The following ZAN variants were observed in gnomAD, a reference collection of about 807,000 sequenced individuals.
ZAN encodes the protein zonadhesin, also known as zonadhesin (gene/pseudogene).
ZAN carries 260 observed loss-of-function variants against 286.2 expected under a neutral mutation model. The ratio of observed to expected loss-of-function variants is 0.91; its 90% CI spans 0.82 to 1.01. The LOEUF (loss-of-function observed/expected upper bound fraction) is 1.01. Among genes scored for constraint, ZAN ranks in the 50% least tolerant of loss-of-function variants. The pLI is 0.00. For missense variants in ZAN, 3,410 were observed against 3,639.2 expected, an observed-to-expected ratio of 0.94 and a Z score of 1.62; for synonymous variants, 1,368 against 1,417.5, an observed-to-expected ratio of 0.97 and a Z score of 0.79.
At chr7:100,768,768 A>G (rs1448925772) in intron 27 of ZAN, 47 bp downstream of exon 27, 1 of 1,510,836 alleles carries the variant, frequency 6.6e-7, no homozygotes, top group Non-Finnish European at 8.9e-7. Flanking sequence ...TGGGCCTGGG[A>G]AGGGCCTCGG....
chr7:100,767,140 T>A lies in ZAN; in HGVS notation c.4743T>A (p.Phe1581Leu). The change falls in exon 25 of 48, where the codon TTT becomes TTA. Residue 1581 changes from phenylalanine (F) to leucine (L), a missense_variant. Transcript: ENST00000613979. ...GGTCCAGGTCCCAAGACAGCTATTT[T>A]GTTGTGAGCGCCACCAACGAGAACC... The part of the protein sequence containing the change: ...PCWSRSQDSY[F>L]VVSATNENRG... 1 of 1,613,824 alleles carries A rather than the reference T, an allele frequency of 6.2e-7. No individual in the cohort carries two copies. Among genetic ancestry groups the A allele is most frequent in the Middle Eastern group, 1.6e-4 (1 of 6,062 alleles).
rs1438561193 is a variant in ZAN at position 100,738,997 on chromosome 7, CCTTCTCCTTCTT to C, written c.766+388_766+399del. 1.9e-4 allele frequency among the ~76,000 whole-genome samples: 11 copies of C among 56,618 alleles called. 1 individual carries two copies. Among genetic ancestry groups the C allele is most frequent in the Non-Finnish European group, 1.2e-4 (3 of 24,546 alleles). 37.1% of individuals were successfully genotyped at this position (56,618 alleles called of 152,430 possible). On this transcript the variant is annotated intron_variant, in intron 7 of 47. Coordinates refer to ENST00000613979, the MANE Select transcript of ZAN (RefSeq NM_003386.3). ...TCCCTCTCCCTCTCCCTCTCCTTCT[CCTTCTCCTTCTT>C]CTTTTTCTTTTTTTTTTTTTGAAGC...
At chr7:100,793,663 C>T (rs1039749084) in intron 42 of ZAN, among the ~76,000 whole-genome samples, 157 bp from the exon 43 acceptor site, 5 of 152,118 alleles carry the variant, frequency 3.3e-5, no homozygotes, top group Non-Finnish European at 5.9e-5. Context: ...GTCTTGAACT[C>T]CTGACTTCAG....
Position 100,765,341 on chromosome 7 carries a change from C to G in ZAN, c.4268-11C>G, listed in dbSNP as rs758056085. On this transcript the variant is annotated splice_polypyrimidine_tract_variant and intron_variant, in intron 22 of 47. Coordinates refer to ENST00000613979, the MANE Select transcript of ZAN (RefSeq NM_003386.3). The stretch of plus-strand genomic sequence containing the variant: ...TCGTCTCCTTCTCACCCAAGCTTCT[C>G]CCTCCACCAGCAATGGCCTGCCCGC... 38 of 1,613,104 alleles carry G rather than the reference C, an allele frequency of 2.4e-5. 1 individual carries two copies. The South Asian group carries it at 4.2e-4, about 18-fold the overall frequency.
rs1197636655 is a variant in ZAN at position 100,792,996 on chromosome 7, AAG to A, written c.7787+519_7787+520del. On this transcript the variant is annotated intron_variant, in intron 42 of 47. Coordinates refer to ENST00000613979, the MANE Select transcript of ZAN (RefSeq NM_003386.3). ...ACATCCTATCTCAAAAAAAAAAAAA[AAG>A]AAAGAAAGAAAGAAAGAACGAAAAA... Among the ~76,000 whole-genome samples the A allele has an allele frequency of 1.9e-4, 22 of 116,612 alleles. 1 individual carries two copies. The highest frequency in any genetic ancestry group is 4.1e-4 in the African/African-American group (14 of 33,952). 76.5% of individuals were successfully genotyped at this position (116,612 alleles called of 152,430 possible). A position where few individuals can be genotyped will look rare whatever the true frequency, so the allele number is the denominator to read the frequency against.
intron 26 of ZAN, 68 bp downstream of exon 26, chr7:100,768,079 C>A (rs997238506): frequency 1.3e-5 from 20 of 1,520,090 alleles, no homozygotes; most frequent in Middle Eastern, 1.8e-4. Context: ...GTCCCAGCTC[C>A]CCCAACATCT....
intron 35 of ZAN, among the ~76,000 whole-genome samples, chr7:100,783,396 A>G (rs1027864250): frequency 6.6e-6 from 1 of 151,920 alleles, no homozygotes; most frequent in Non-Finnish European, 1.5e-5. Context: ...CTTCAGCTCA[A>G]CTTTGAAATC....
Position 100,797,410 on chromosome 7 carries a change from G to A in ZAN, c.8311G>A (p.Val2771Met), listed in dbSNP as rs772393154. The change falls in exon 46 of 48, where the codon GTG becomes ATG. Residue 2771 changes from valine (V) to methionine (M), a missense_variant. By Grantham distance (21) the Val-to-Met change is conservative (BLOSUM62 1). This residue lies in a region of ZAN where 1,289 missense variants were observed against 1,314.3 expected (regional missense o/e 0.98). Coordinates refer to ENST00000613979, the MANE Select transcript of ZAN (RefSeq NM_003386.3). ...GVLLGLLVPV[V>M]VVLLAVTREC... The stretch of plus-strand genomic sequence containing the variant: ...CCTACTGGGACTGCTGGTGCCTGTG[G>A]TGGTCGTACTACTGGCCGTGACCAG... 3 of 1,613,890 alleles carry A rather than the reference G, an allele frequency of 1.9e-6. No individual in the cohort carries two copies. The highest frequency in any genetic ancestry group is 1.7e-6 in the Non-Finnish European group (2 of 1,179,816).
chr7:100,779,390 T>C, intron 34 of ZAN, 56 bp from the exon 35 acceptor site: 1 of 1,497,108 alleles, frequency 6.7e-7, no homozygotes, highest in East Asian at 2.4e-5. Flanking sequence ...GAAAAAAAAA[T>C]TTTGTGTCAT....
Position 100,765,396 on chromosome 7 carries a change from C to G in ZAN, c.4312C>G (p.Pro1438Ala). 1 of 1,613,998 alleles carries G rather than the reference C, an allele frequency of 6.2e-7. No individual in the cohort carries two copies. The stretch of plus-strand genomic sequence containing the variant: ...CAGCAAGTACTCCCTGTGTGCGAAG[C>G]CATGCCCTGACACCTGCCATTCAGG... ...PNSKYSLCAKPCPDTCHSGFS... is the reference protein window; with the variant it reads ...PNSKYSLCAKACPDTCHSGFS... Residue 1438 changes from proline (P) to alanine (A), a missense_variant, in exon 23 of 48, where the codon CCA (proline) becomes GCA (alanine). Transcript: ENST00000613979.
rs757562972 is a variant in ZAN at position 100,795,352 on chromosome 7, A to G, written c.8266+16A>G. On this transcript the variant is annotated intron_variant, in intron 45 of 47. Coordinates refer to ENST00000613979, the MANE Select transcript of ZAN (RefSeq NM_003386.3). Reference sequence around the variant, plus strand: ...AGAAAGCCAGGTGAGGGCATCGTCCAAGGCCCTGTACCCTCACAACCTCTT... The same window carrying G: ...AGAAAGCCAGGTGAGGGCATCGTCCGAGGCCCTGTACCCTCACAACCTCTT... 2 of 1,564,262 alleles carry G rather than the reference A, an allele frequency of 1.3e-6. No individual in the cohort carries two copies. Among genetic ancestry groups the G allele is most frequent in the East Asian group, 4.6e-5 (2 of 43,094 alleles).
chr7:100,786,955 A>G (rs1252025282), intron 37 of ZAN, among the ~76,000 whole-genome samples: 1 of 152,150 alleles, frequency 6.6e-6, no homozygotes, highest in Non-Finnish European at 1.5e-5. Flanking sequence ...CCAGCTACTC[A>G]GGAGACTGAC....
chr7:100,762,127 T>C, intron 19 of ZAN, 88 bp from the exon 20 acceptor site: 1 of 1,551,144 alleles, frequency 6.4e-7, no homozygotes, highest in African/African-American at 1.4e-5. Flanking sequence ...TGTTTTAGGA[T>C]CCCAGCTCCT....
chr7:100,750,950 G>A, intron 12 of ZAN, 54 bp downstream of exon 12: 7 of 1,511,090 alleles, frequency 4.6e-6, no homozygotes, highest in Non-Finnish European at 6.2e-6. Context: ...GCCAATGCCT[G>A]GGATCTGGGG....
intron 44 of ZAN, 111 bp from the exon 45 acceptor site, chr7:100,795,085 C>T (rs1812260617): frequency 1.4e-6 from 2 of 1,400,564 alleles, no homozygotes; most frequent in Non-Finnish European, 1.9e-6. Flanking sequence ...CCTGGCCAGT[C>T]TCTGGCAGCC....
At chr7:100,733,950 GTTT>G (rs1807122136) in intron 1 of ZAN, 74 bp from the exon 2 acceptor site, 1 of 386,584 alleles carries the variant, frequency 2.6e-6, no homozygotes, top group East Asian at 4.0e-5. Context: ...CTTCTCTCTA[GTTT>G]ATTTCCCTCG....
At chr7:100,757,778 AACAG>A (rs71517125) in intron 15 of ZAN, among the ~76,000 whole-genome samples, 2,451 of 142,310 alleles carry the variant, frequency 0.017, 33 homozygotes, top group Middle Eastern at 0.072. Context: ...AAAACAAAAA[AACAG>A]ACAGACATAA....
rs56157872 is a variant in ZAN, at chr7:100,778,442, GA to G, written c.6318-990del. 8.4e-4 allele frequency among the ~76,000 whole-genome samples: 112 copies of G among 133,302 alleles called. 1 individual carries two copies. Among genetic ancestry groups the G allele is most frequent in the African/African-American group, 2.1e-3 (76 of 35,884 alleles). The allele number at this position is 133,302 out of a possible 152,430, so 87.5% of individuals were successfully genotyped here. ...AACATAGCAAGACCTCATCTCTACA[GA>G]AAAAAAAAAAAAAGAAAAGAAAGAA... On this transcript the variant is annotated intron_variant, in intron 34 of 47. Transcript: ENST00000613979.
Position 100,780,851 on chromosome 7 carries a change from A to G in ZAN, c.6622+1101A>G, listed in dbSNP as rs1167320960. On this transcript the variant is annotated intron_variant, in intron 35 of 47. Transcript: ENST00000613979. ...ACACCCGTAATCCAAGCACTTTGGG[A>G]GTCCAAGAAGGGAGGATTGCTTGAG... Among the ~76,000 whole-genome samples, 20 of 151,898 alleles carry G rather than the reference A, an allele frequency of 1.3e-4. No homozygotes were observed. The Admixed American group carries it at 1.3e-3, about 10-fold the overall frequency.
Sources: allele counts gnomAD v4.1 joint callset (sites outside exome capture counted in the v4.1 genomes callset), GRCh38; gene constraint gnomAD v4.1.1; regional missense constraint gnomAD v4.1.1; transcripts MANE v1.5; gene names NCBI Gene and HGNC (gene_info 2026-07-23, HGNC 2026-07-21).